The following PCTP variants were observed in gnomAD, a reference collection of about 807,000 sequenced individuals.
PCTP encodes the protein START domain-containing protein 2.
In PCTP, 27 loss-of-function variants were observed where a neutral mutation model predicts 31.0. The ratio of observed to expected loss-of-function variants is 0.87; its 90% CI spans 0.64 to 1.20. The LOEUF is 1.20. Among genes scored for constraint, PCTP ranks in the 50% most tolerant of loss-of-function variants. PCTP has a pLI of 0.00. For missense variants in PCTP, 287 were observed against 268.2 expected, an observed-to-expected ratio of 1.07 and a Z score of -0.49; for synonymous variants, 108 against 101.2, an observed-to-expected ratio of 1.07 and a Z score of -0.40.
chr17:55,775,880 C>T, intron 5 of PCTP, 155 bp from the exon 6 acceptor site: 1 of 1,389,162 alleles, frequency 7.2e-7, no homozygotes, highest in Non-Finnish European at 9.3e-7. Context: ...TACTTTTTGT[C>T]ATCATCTGCA....
At chr17:55,815,912 G>A (rs1285118401) in intron 3 of PCTP, among the ~76,000 whole-genome samples, 1 of 152,180 alleles carries the variant, frequency 6.6e-6, no homozygotes, top group African/African-American at 2.4e-5. Flanking sequence ...CAAAGACAGA[G>A]TGAAACAGTC....
At chr17:55,852,687 G>A in the PCTP span, among the ~76,000 whole-genome samples, 1 of 146,144 alleles carries the variant, frequency 6.8e-6, no homozygotes, top group Non-Finnish European at 1.5e-5. Flanking sequence ...TGAAACTGTT[G>A]AATAAACAGC....
At chr17:55,796,667 A>G (rs1912197928) in intron 3 of PCTP, among the ~76,000 whole-genome samples, 1 of 151,972 alleles carries the variant, frequency 6.6e-6, no homozygotes, top group Non-Finnish European at 1.5e-5. Flanking sequence ...GTAGGTTTAT[A>G]TATGATTATG....
At chr17:55,777,984 C>T (rs1911423753), downstream of PCTP, among the ~76,000 whole-genome samples, 1 of 152,010 alleles carries the variant, frequency 6.6e-6, no homozygotes, top group South Asian at 2.1e-4. Flanking sequence ...TCATGTAAAC[C>T]ATTTCTTTAA....
At chr17:55,833,694 C>CT (rs1266601713) in intron 5 of PCTP, among the ~76,000 whole-genome samples, 1 of 152,206 alleles carries the variant, frequency 6.6e-6, no homozygotes, top group East Asian at 1.9e-4. Flanking sequence ...CTAGGTGACT[C>CT]TCACGCATGC....
intron 3 of PCTP, among the ~76,000 whole-genome samples, chr17:55,793,599 T>C (rs145063195): frequency 2.0e-5 from 3 of 152,250 alleles, no homozygotes; most frequent in Non-Finnish European, 4.4e-5. Context: ...CTTCATTTAA[T>C]GGATGCCATC....
chr17:55,811,806 G>A (rs9890251), intron 3 of PCTP, among the ~76,000 whole-genome samples: 1 of 152,136 alleles, frequency 6.6e-6, no homozygotes, highest in Non-Finnish European at 1.5e-5. Context: ...CCAAAAGCTT[G>A]CTAATGTTTT....
intron 3 of PCTP, among the ~76,000 whole-genome samples, chr17:55,814,924 T>C (rs1912869434): frequency 6.6e-6 from 1 of 152,202 alleles, no homozygotes; most frequent in African/African-American, 2.4e-5. Flanking sequence ...TCTTTTTTAC[T>C]GAACCCTCAG....
chr17:55,841,672 C>G (rs543076077), intron 5 of PCTP, among the ~76,000 whole-genome samples: 4 of 152,156 alleles, frequency 2.6e-5, no homozygotes, highest in Admixed American at 2.6e-4. Flanking sequence ...TGGGTGAGAT[C>G]AAAATAATGA....
intron 3 of PCTP, 101 bp from the exon 4 acceptor site, chr17:55,773,623 G>C: frequency 8.7e-7 from 1 of 1,151,408 alleles, no homozygotes; most frequent in Non-Finnish European, 1.2e-6. Flanking sequence ...AATGCCAAGT[G>C]GGAGGCACAG....
At chr17:55,782,071 A>T (rs1911584421), downstream of PCTP, among the ~76,000 whole-genome samples, 1 of 152,248 alleles carries the variant, frequency 6.6e-6, no homozygotes, top group Non-Finnish European at 1.5e-5. Flanking sequence ...CAAGCTGGAA[A>T]GTCAAATAAA....
chr17:55,835,372 C>A (rs1018717564), intron 5 of PCTP, among the ~76,000 whole-genome samples: 1 of 152,178 alleles, frequency 6.6e-6, no homozygotes, highest in African/African-American at 2.4e-5. Context: ...TCCTGCAGTC[C>A]CACTTTTCCT....
intron 3 of PCTP, among the ~76,000 whole-genome samples, chr17:55,791,564 A>G (rs1398584868): frequency 1.3e-5 from 2 of 149,036 alleles, no homozygotes; most frequent in Admixed American, 6.6e-5. Flanking sequence ...AATGCTCACC[A>G]TCACTGGCCA....
At chr17:55,819,541 A>G (rs1035061320) in intron 3 of PCTP, among the ~76,000 whole-genome samples, 73 of 152,278 alleles carry the variant, frequency 4.8e-4, no homozygotes, top group Middle Eastern at 3.4e-3. Context: ...ATTTTAGTTC[A>G]GGAGTTCAAG....
chr17:55,754,039 A>T (rs1020075992), intron 1 of PCTP, among the ~76,000 whole-genome samples: 1 of 152,204 alleles, frequency 6.6e-6, no homozygotes, highest in East Asian at 1.9e-4. Context: ...ACACAGAAGC[A>T]CAGAAGACTC....
chr17:55,769,672 G>A (rs1367215182), intron 2 of PCTP: 2 of 152,194 alleles, frequency 1.3e-5, no homozygotes, highest in Non-Finnish European at 2.9e-5. Flanking sequence ...TGGTCCATCC[G>A]AGAGCTTTAC....
At chr17:55,788,976 A>G (rs1370929032) in intron 3 of PCTP, among the ~76,000 whole-genome samples, 9 of 152,220 alleles carry the variant, frequency 5.9e-5, no homozygotes, top group Non-Finnish European at 1.2e-4. Context: ...GAGATGAGCT[A>G]GGACTCAAAT....
At chr17:55,830,419 C>A (rs995432970) in intron 5 of PCTP, among the ~76,000 whole-genome samples, 1 of 152,046 alleles carries the variant, frequency 6.6e-6, no homozygotes, top group Non-Finnish European at 1.5e-5. Flanking sequence ...GGCTAGTCAG[C>A]GATTTTTTTT....
chr17:55,755,274 A>G (rs2960077), intron 1 of PCTP, among the ~76,000 whole-genome samples: 148,413 of 152,272 alleles, frequency 0.97, 72,398 homozygotes, highest in African/African-American at 0.99. Flanking sequence ...ACGACCCTTC[A>G]CTTTGCTTCC....
Sources: allele counts gnomAD v4.1 joint callset (sites outside exome capture counted in the v4.1 genomes callset), GRCh38; gene constraint gnomAD v4.1.1; transcripts MANE v1.5; gene names NCBI Gene and HGNC (gene_info 2026-07-23, HGNC 2026-07-21).